ADGRB3: variants seen among roughly 807,000 people sequenced by gnomAD.
ADGRB3 encodes the protein brain-specific angiogenesis inhibitor 3.
A neutral mutation model predicts 193.4 loss-of-function variants in ADGRB3; 37 were observed. The observed-to-expected ratio is 0.19, with a 90% CI of 0.15 to 0.25. The LOEUF (loss-of-function observed/expected upper bound fraction) is 0.25. Among genes scored for constraint, ADGRB3 ranks in the 10% least tolerant of loss-of-function variants. The pLI is 1.00. For synonymous variants in ADGRB3, 690 were observed against 644.2 expected (o/e 1.07, Z -1.08); for missense variants, 1,637 against 1,852.9 (o/e 0.88, Z 2.14).
At chr6:68,994,713 T>C (rs1318408261) in intron 11 of ADGRB3, among the ~76,000 whole-genome samples, 1 of 152,220 alleles carries the variant, frequency 6.6e-6, no homozygotes, top group East Asian at 1.9e-4. Flanking sequence ...GCTGAGTTCA[T>C]TTCTGCATTT....
intron 3 of ADGRB3, among the ~76,000 whole-genome samples, chr6:68,912,347 A>ATTATTTTATT (rs531118417): frequency 4.7e-5 from 7 of 150,406 alleles, no homozygotes; most frequent in African/African-American, 1.7e-4. Flanking sequence ...TTCTTTTTTT[A>ATTATTTTATT]TTATTTTATT....
intron 3 of ADGRB3, among the ~76,000 whole-genome samples, chr6:68,915,858 C>T (rs1456465403): frequency 1.3e-5 from 2 of 152,094 alleles, no homozygotes; most frequent in Non-Finnish European, 1.5e-5. Flanking sequence ...ATTCAGTAAC[C>T]TAAAACCAAA....
At chr6:69,387,193 C>T (rs545200387) in intron 31 of ADGRB3, among the ~76,000 whole-genome samples, 20 of 152,060 alleles carry the variant, frequency 1.3e-4, no homozygotes, top group Non-Finnish European at 2.8e-4. Context: ...ATGTATCAGG[C>T]TTTAAATCTT....
intron 17 of ADGRB3, among the ~76,000 whole-genome samples, chr6:69,230,868 C>T (rs757478438): frequency 7.9e-5 from 12 of 152,140 alleles, no homozygotes; most frequent in Non-Finnish European, 1.6e-4. Context: ...TGGTAAAGCA[C>T]ATTAAGCTGT....
chr6:68,768,435 G>C (rs1386342702), intron 3 of ADGRB3, among the ~76,000 whole-genome samples: 5 of 151,978 alleles, frequency 3.3e-5, no homozygotes, highest in African/African-American at 1.2e-4. Flanking sequence ...AACAAACAAT[G>C]GGGGAAAGGA....
intron 24 of ADGRB3, among the ~76,000 whole-genome samples, chr6:69,335,282 G>A (rs974824415): frequency 7.2e-5 from 11 of 152,056 alleles, no homozygotes; most frequent in Non-Finnish European, 1.6e-4. Context: ...GTCTTATTAT[G>A]AATTTAGAAA....
chr6:69,291,822 C>T (rs564033305), intron 20 of ADGRB3, among the ~76,000 whole-genome samples: 62 of 152,230 alleles, frequency 4.1e-4, no homozygotes, highest in African/African-American at 1.4e-3. Context: ...GAAGGACTTG[C>T]TAACCTTCTC....
At chr6:69,045,227 T>C (rs1771202724) in intron 13 of ADGRB3, among the ~76,000 whole-genome samples, 1 of 152,174 alleles carries the variant, frequency 6.6e-6, no homozygotes, top group South Asian at 2.1e-4. Flanking sequence ...GAAAAAGAAG[T>C]AAAAGTCATC....
At position 69,382,928 on chromosome 6, in the gene ADGRB3, G is replaced by A; in HGVS notation, c.4373G>A (p.Ser1458Asn). 2.5e-6 allele frequency: 4 copies of A among 1,597,972 alleles called. No homozygotes were observed. The highest frequency in any genetic ancestry group is 1.1e-5 in the South Asian group (1 of 90,234). Residue 1458 changes from serine (S) to asparagine (N), a missense_variant, in exon 31 of 32, where the codon AGC becomes AAC. By Grantham distance (46) the Ser-to-Asn change is conservative. This residue lies in a region of ADGRB3 where 368 missense variants were observed against 367.4 expected (regional missense o/e 1.00). Transcript: ENST00000370598. ...LDRFRDIPNT[S>N]SMENPAPNKN... is the part of the protein sequence containing the mutation. The stretch of plus-strand genomic sequence containing the variant: ...AGATTTCGGGATATACCAAATACAA[G>A]CAGTATGGTAAGTATGCTTTGCTTC...
Position 69,136,796 on chromosome 6 carries a change from A to G in ADGRB3, c.2480+60758A>G, listed in dbSNP as rs571193090. On this transcript the variant is annotated intron_variant, in intron 17 of 31. Transcript: ENST00000370598. ...TTCCAGTAACAGTTTATTTTTATGCATATCTAGATAGAAGAGAAAATTTAT... is the reference window on the plus strand; with the variant it reads ...TTCCAGTAACAGTTTATTTTTATGCGTATCTAGATAGAAGAGAAAATTTAT... Among the ~76,000 whole-genome samples the G allele has an allele frequency of 1.5e-3, 234 of 152,152 alleles. 3 individuals carry two copies. Among genetic ancestry groups the G allele is most frequent in the African/African-American group, 5.2e-3 (217 of 41,526 alleles).
chr6:69,356,543 C>G (rs551274076), intron 28 of ADGRB3, among the ~76,000 whole-genome samples: 2 of 152,058 alleles, frequency 1.3e-5, no homozygotes, highest in Admixed American at 1.3e-4. Flanking sequence ...GAGAGAAAAA[C>G]TAAGAATGGT....
At chr6:69,311,033 T>C (rs1413660900) in intron 20 of ADGRB3, among the ~76,000 whole-genome samples, 1 of 151,718 alleles carries the variant, frequency 6.6e-6, no homozygotes. Context: ...TTCCAAACTT[T>C]CAAAGGTAAT....
At chr6:68,828,357 G>A (rs1026400050) in intron 3 of ADGRB3, among the ~76,000 whole-genome samples, 4 of 152,106 alleles carry the variant, frequency 2.6e-5, no homozygotes, top group African/African-American at 9.7e-5. Context: ...TTCCAAAAAG[G>A]ACAAAATGTG....
In ADGRB3 at chr6:69,327,845, A is replaced by T. The variant is rs1482452644; in HGVS notation, c.2991A>T (p.Thr997=). ...GTTTACCAGCATTAGTAGTGGCCAC[A>T]TCAGTAGGCTTCACCAGAACAAAAG... ...GWGLPALVVA[T]SVGFTRTKGY... The change falls in exon 22 of 32, where the codon ACA becomes ACT. Residue 997 remains threonine (T), a synonymous_variant. Coordinates refer to ENST00000370598, the MANE Select transcript of ADGRB3 (RefSeq NM_001704.3). 6.2e-7 allele frequency: 1 copy of T among 1,610,860 alleles called. No homozygotes were observed. Among genetic ancestry groups the T allele is most frequent in the African/African-American group, 1.3e-5 (1 of 74,868 alleles).
At chr6:68,996,954 C>T (rs1769402236) in intron 11 of ADGRB3, among the ~76,000 whole-genome samples, 1 of 151,956 alleles carries the variant, frequency 6.6e-6, no homozygotes, top group Non-Finnish European at 1.5e-5. Flanking sequence ...CTTTTTTCAT[C>T]CTTTTTCCAG....
intron 20 of ADGRB3, among the ~76,000 whole-genome samples, chr6:69,248,867 C>T (rs1479668236): frequency 6.6e-6 from 1 of 152,166 alleles, no homozygotes; most frequent in Non-Finnish European, 1.5e-5. Flanking sequence ...ACGTGTCTAC[C>T]CAAGGGTTAG....
intron 17 of ADGRB3, among the ~76,000 whole-genome samples, chr6:69,177,074 A>G (rs1561943108): frequency 6.6e-6 from 1 of 152,044 alleles, no homozygotes; most frequent in African/African-American, 2.4e-5. Context: ...TCAAAGAACC[A>G]TTTTTGGTTT....
intron 17 of ADGRB3, 84 bp downstream of exon 17, chr6:69,076,122 G>A (rs1312505031): frequency 1.7e-6 from 2 of 1,196,910 alleles, no homozygotes; most frequent in Non-Finnish European, 2.5e-6. Flanking sequence ...CTAGTTAACA[G>A]GAATATAAGT....
intron 17 of ADGRB3, among the ~76,000 whole-genome samples, chr6:69,173,650 G>T (rs977799192): frequency 4.1e-5 from 6 of 144,890 alleles, no homozygotes; most frequent in African/African-American, 1.0e-4. Flanking sequence ...TTGTAGCATT[G>T]TTTTTTTTTT....
Sources: gnomAD v4.1 joint callset for allele counts (sites outside exome capture counted in the v4.1 genomes callset) on GRCh38, gnomAD v4.1.1 for gene constraint, gnomAD v4.1.1 regional missense constraint, MANE v1.5 for transcripts, NCBI Gene and HGNC (gene_info 2026-07-23, HGNC 2026-07-21) for gene names.